CADM2: variants seen among roughly 807,000 people sequenced by gnomAD.
The protein encoded by CADM2 is immunoglobulin superfamily member 4D.
A neutral mutation model predicts 49.8 loss-of-function variants in CADM2; 12 were observed. That is an observed-to-expected ratio of 0.24 (90% CI 0.15 to 0.39). The LOEUF (loss-of-function observed/expected upper bound fraction) is 0.39. Ranked by LOEUF, CADM2 falls within the 10% of genes least tolerant of loss-of-function variation. CADM2 has a pLI of 1.00. For synonymous variants in CADM2, 214 were observed against 175.4 expected, an observed-to-expected ratio of 1.22 and a Z score of -1.74; for missense variants, 378 against 492.3, an observed-to-expected ratio of 0.77 and a Z score of 2.20.
intron 8 of CADM2, among the ~76,000 whole-genome samples, chr3:86,037,840 A>T (rs908069008): frequency 3.3e-5 from 5 of 152,102 alleles, no homozygotes; most frequent in African/African-American, 1.2e-4. Context: ...TTTAATTTTT[A>T]TTTTACTCTA....
chr3:86,033,971 C>T (rs1354591384), intron 8 of CADM2, among the ~76,000 whole-genome samples: 1 of 151,494 alleles, frequency 6.6e-6, no homozygotes, highest in Non-Finnish European at 1.5e-5. Context: ...ACCATGGCAA[C>T]TCTAGCACCC....
intron 2 of CADM2, among the ~76,000 whole-genome samples, chr3:85,772,559 A>C (rs2070147836): frequency 6.6e-6 from 1 of 152,128 alleles, no homozygotes; most frequent in South Asian, 2.1e-4. Flanking sequence ...GTGATCAATA[A>C]AAAGTATAGA....
At chr3:85,915,460 A>G (rs915277943) in intron 6 of CADM2, among the ~76,000 whole-genome samples, 5 of 152,138 alleles carry the variant, frequency 3.3e-5, no homozygotes, top group Admixed American at 6.6e-5. Flanking sequence ...AGCGTGCAGA[A>G]CATTCTCCGG....
At chr3:85,549,924 C>G (rs1384461810) in intron 1 of CADM2, among the ~76,000 whole-genome samples, 1 of 151,836 alleles carries the variant, frequency 6.6e-6, no homozygotes, top group Non-Finnish European at 1.5e-5. Flanking sequence ...GACTCACCAC[C>G]TAAAGGTCTT....
intron 1 of CADM2, among the ~76,000 whole-genome samples, chr3:85,672,191 CTTTTTTTTTT>C (rs5850710): frequency 3.2e-5 from 4 of 124,324 alleles, no homozygotes; most frequent in African/African-American, 1.2e-4. Flanking sequence ...TCTAGGATGT[CTTTTTTTTTT>C]TTTTTTTTTG....
chr3:85,289,698 A>C lies in CADM2; in HGVS notation c.61+330030A>C, dbSNP rs183605885. Among the ~76,000 whole-genome samples the C allele has an allele frequency of 2.8e-3, 423 of 152,274 alleles. 2 individuals carry two copies. The highest frequency in any genetic ancestry group is 5.4e-3 in the Admixed American group (82 of 15,300). On this transcript the variant is annotated intron_variant, in intron 1 of 9. Coordinates refer to ENST00000383699, the MANE Select transcript of CADM2 (RefSeq NM_001167675.2). ...CCCCCTTCTCCAAACCAATCTTTCA[A>C]ATTTTAAAATTTATTAAAAAAATTG...
At chr3:85,391,357 G>T (rs1205135116) in intron 1 of CADM2, among the ~76,000 whole-genome samples, 1 of 152,004 alleles carries the variant, frequency 6.6e-6, no homozygotes, top group African/African-American at 2.4e-5. Context: ...TAGTTCCAAA[G>T]GAGATATAAA....
chr3:85,631,703 G>T (rs2064313114), intron 1 of CADM2, among the ~76,000 whole-genome samples: 1 of 151,954 alleles, frequency 6.6e-6, no homozygotes, highest in African/African-American at 2.4e-5. Flanking sequence ...AGAAGTCTAA[G>T]AATCATTTAA....
At chr3:85,110,849 A>C (rs1001808513) in intron 1 of CADM2, among the ~76,000 whole-genome samples, 1 of 151,866 alleles carries the variant, frequency 6.6e-6, no homozygotes, top group African/African-American at 2.4e-5. Flanking sequence ...TCTTATTTTC[A>C]AATAGTTTTC....
intron 7 of CADM2, among the ~76,000 whole-genome samples, chr3:85,941,837 T>C (rs1242741784): frequency 6.6e-6 from 1 of 152,066 alleles, no homozygotes; most frequent in Non-Finnish European, 1.5e-5. Context: ...TGGTGAGGAA[T>C]CCAGGGTCAG....
chr3:85,291,840 A>G (rs199634611), intron 1 of CADM2, among the ~76,000 whole-genome samples: 9,861 of 140,068 alleles, frequency 0.07, 505 homozygotes, highest in East Asian at 0.14. Context: ...AATCATGCCA[A>G]AATGTAAAGA....
intron 3 of CADM2, among the ~76,000 whole-genome samples, chr3:85,825,196 G>A (rs1384002548): frequency 6.6e-6 from 1 of 152,082 alleles, no homozygotes; most frequent in Non-Finnish European, 1.5e-5. Context: ...TACCGTGAGA[G>A]TGTGTAGTCA....
At chr3:85,682,627 C>G (rs2066071597) in intron 1 of CADM2, among the ~76,000 whole-genome samples, 2 of 151,880 alleles carry the variant, frequency 1.3e-5, no homozygotes, top group Non-Finnish European at 2.9e-5. Flanking sequence ...TAAAAATAAA[C>G]ATTTATACAG....
At chr3:85,705,231 GA>G (rs56832861) in intron 1 of CADM2, among the ~76,000 whole-genome samples, 53,376 of 139,652 alleles carry the variant, frequency 0.38, 9,982 homozygotes, top group Middle Eastern at 0.43. Flanking sequence ...TTTTCATCAT[GA>G]AAAAAAAAAA....
At chr3:85,132,250 G>A (rs1368848439) in intron 1 of CADM2, among the ~76,000 whole-genome samples, 2 of 152,140 alleles carry the variant, frequency 1.3e-5, no homozygotes, top group South Asian at 2.1e-4. Context: ...GCTTTGGACT[G>A]TCTTAGCACC....
intron 1 of CADM2, among the ~76,000 whole-genome samples, chr3:85,515,803 A>G (rs2060890046): frequency 1.3e-5 from 2 of 151,646 alleles, no homozygotes; most frequent in African/African-American, 4.8e-5. Context: ...AACAGGCTAA[A>G]TATGCCATCC....
intron 1 of CADM2, among the ~76,000 whole-genome samples, chr3:85,717,999 A>C (rs2067358855): frequency 6.6e-6 from 1 of 152,100 alleles, no homozygotes; most frequent in Admixed American, 6.6e-5. Context: ...TGAACTCCTC[A>C]CTTCAGGTGA....
rs183022970 is a variant in CADM2 at position 85,917,016 on chromosome 3, G to T, written c.700+4473G>T. Among the ~76,000 whole-genome samples the T allele has an allele frequency of 5.7e-3, 854 of 150,508 alleles. 8 individuals carry two copies. The highest frequency in any genetic ancestry group is 0.017 in the African/African-American group (710 of 41,120). On this transcript the variant is annotated intron_variant, in intron 6 of 9. Coordinates refer to ENST00000383699, the MANE Select transcript of CADM2 (RefSeq NM_001167675.2). The stretch of plus-strand genomic sequence containing the variant: ...TATCCTTCGCCCACTTTTTGATGGG[G>T]TTTTTTTTTATTGTAAATTTGTTTG...
intron 1 of CADM2, among the ~76,000 whole-genome samples, chr3:85,715,059 A>G (rs186501445): frequency 6.6e-6 from 1 of 152,314 alleles, no homozygotes; most frequent in African/African-American, 2.4e-5. Flanking sequence ...ATTTATAAAT[A>G]CATTTCTAAT....
Sources: allele counts gnomAD v4.1 joint callset (sites outside exome capture counted in the v4.1 genomes callset), GRCh38; gene constraint gnomAD v4.1.1; transcripts MANE v1.5; gene names NCBI Gene and HGNC (gene_info 2026-07-23, HGNC 2026-07-21).